The following CADM2 variants were observed in gnomAD, a reference collection of about 807,000 sequenced individuals.
The protein encoded by CADM2 is immunoglobulin superfamily member 4D.
A neutral mutation model predicts 49.8 loss-of-function variants in CADM2; 12 were observed. The observed-to-expected ratio is 0.24, with a 90% confidence interval of 0.15 to 0.39. The LOEUF (loss-of-function observed/expected upper bound fraction) is 0.39. Among genes scored for constraint, CADM2 ranks in the 10% least tolerant of loss-of-function variants. CADM2 has a pLI of 1.00. For synonymous variants in CADM2, 214 were observed against 175.4 expected (o/e 1.22, Z -1.74); for missense variants, 378 against 492.3 (o/e 0.77, Z 2.20).
intron 1 of CADM2, among the ~76,000 whole-genome samples, chr3:85,331,508 TGTCACTAAAAGTGACAATA>T (rs1944136538): frequency 1.3e-5 from 2 of 151,304 alleles, no homozygotes; most frequent in African/African-American, 4.8e-5. Context: ...AAGTGACTAT[TGTCACTAAAAGTGACAATA>T]GTCACTTTTA....
intron 1 of CADM2, among the ~76,000 whole-genome samples, chr3:85,414,825 T>G (rs1356232120): frequency 6.6e-6 from 1 of 152,166 alleles, no homozygotes. Flanking sequence ...CTATGTGTTA[T>G]GCGGGAAGGG....
intron 1 of CADM2, among the ~76,000 whole-genome samples, chr3:85,183,755 A>T (rs1438047493): frequency 1.3e-5 from 2 of 152,196 alleles, no homozygotes; most frequent in Non-Finnish European, 1.5e-5. Flanking sequence ...AAGATTGCAA[A>T]GTCTATAATG....
chr3:85,096,916 T>G, intron 1 of CADM2, among the ~76,000 whole-genome samples: 1 of 152,188 alleles, frequency 6.6e-6, no homozygotes, highest in East Asian at 1.9e-4. Context: ...CTATTAGTTT[T>G]ACCTTTTATG....
intron 8 of CADM2, among the ~76,000 whole-genome samples, chr3:86,040,492 G>T (rs1735738484): frequency 6.6e-6 from 1 of 152,086 alleles, no homozygotes; most frequent in Non-Finnish European, 1.5e-5. Flanking sequence ...AGTGACGGAA[G>T]ATCAAATGAA....
chr3:85,190,232 C>T (rs1423306123), intron 1 of CADM2, among the ~76,000 whole-genome samples: 1 of 151,986 alleles, frequency 6.6e-6, no homozygotes, highest in African/African-American at 2.4e-5. Context: ...AGGATACTTG[C>T]CCCCATGCCA....
chr3:85,894,544 G>A (rs909073588), intron 5 of CADM2, among the ~76,000 whole-genome samples: 4 of 152,066 alleles, frequency 2.6e-5, no homozygotes, highest in African/African-American at 9.7e-5. Context: ...CTGCAAAAAT[G>A]TGCATAAGTA....
chr3:85,402,543 A>T (rs1380482927), intron 1 of CADM2, among the ~76,000 whole-genome samples: 1 of 151,990 alleles, frequency 6.6e-6, no homozygotes, highest in Non-Finnish European at 1.5e-5. Context: ...TCTCAATAAA[A>T]TCTTGAAGCA....
intron 1 of CADM2, among the ~76,000 whole-genome samples, chr3:85,558,214 A>G (rs760040238): frequency 2.3e-4 from 35 of 152,098 alleles, no homozygotes; most frequent in Non-Finnish European, 2.7e-4. Flanking sequence ...TGCTCATTAG[A>G]TAGAATAAAA....
chr3:86,015,708 T>G (rs1732137443), intron 8 of CADM2, among the ~76,000 whole-genome samples: 1 of 152,210 alleles, frequency 6.6e-6, no homozygotes, highest in Admixed American at 6.5e-5. Context: ...TTGTTCTACA[T>G]CTCATTGTTG....
chr3:85,758,619 G>A lies in CADM2; in HGVS notation c.88+32071G>A, dbSNP rs114379214. On this transcript the variant is annotated intron_variant, in intron 2 of 9. Transcript: ENST00000383699. ...TATGTTCCTGATGACTCAATATTTA[G>A]TTTGGTTTTATTTGAGTCAGAGGTT... Among the ~76,000 whole-genome samples the A allele has an allele frequency of 3.4e-3, 524 of 152,096 alleles. 2 individuals carry two copies. Among genetic ancestry groups the A allele is most frequent in the African/African-American group, 0.012 (483 of 41,524 alleles).
chr3:85,713,189 C>G (rs965633941), intron 1 of CADM2, among the ~76,000 whole-genome samples: 1 of 152,184 alleles, frequency 6.6e-6, no homozygotes, highest in Non-Finnish European at 1.5e-5. Context: ...CCTCCGCCTC[C>G]CGGGTTCAAG....
chr3:85,675,514 A>G (rs2065864819), intron 1 of CADM2, among the ~76,000 whole-genome samples: 1 of 152,170 alleles, frequency 6.6e-6, no homozygotes, highest in Non-Finnish European at 1.5e-5. Flanking sequence ...TTTAGAAGCT[A>G]AGTGATCTGT....
intron 1 of CADM2, among the ~76,000 whole-genome samples, chr3:84,969,084 G>C (rs1309032738): frequency 6.6e-6 from 1 of 151,836 alleles, no homozygotes; most frequent in Non-Finnish European, 1.5e-5. Flanking sequence ...CTTAACAAGG[G>C]GGATACTTTC....
At chr3:85,656,307 C>G (rs1207965646) in intron 1 of CADM2, among the ~76,000 whole-genome samples, 1 of 151,946 alleles carries the variant, frequency 6.6e-6, no homozygotes, top group East Asian at 1.9e-4. Context: ...TTATTAAGAG[C>G]TTACATAGCT....
intron 8 of CADM2, among the ~76,000 whole-genome samples, chr3:85,970,881 G>T (rs1240885183): frequency 6.6e-6 from 1 of 151,316 alleles, no homozygotes; most frequent in African/African-American, 2.4e-5. Context: ...AAGTTACATG[G>T]TGATAAATCT....
intron 1 of CADM2, among the ~76,000 whole-genome samples, chr3:85,458,284 C>A (rs983998891): frequency 1.3e-5 from 2 of 152,128 alleles, no homozygotes; most frequent in Non-Finnish European, 2.9e-5. Context: ...CCATGCCCTG[C>A]ACATAACAGG....
chr3:85,304,188 A>C (rs1371253922), intron 1 of CADM2, among the ~76,000 whole-genome samples: 1 of 151,816 alleles, frequency 6.6e-6, no homozygotes, highest in Non-Finnish European at 1.5e-5. Flanking sequence ...ACATATCTGA[A>C]GTCCAGAGAT....
intron 2 of CADM2, among the ~76,000 whole-genome samples, chr3:85,758,470 T>G (rs894539333): frequency 6.6e-6 from 1 of 152,134 alleles, no homozygotes; most frequent in Non-Finnish European, 1.5e-5. Context: ...AGACACCTTG[T>G]GGAGAAATAC....
At chr3:85,329,803 C>T (rs1380258604) in intron 1 of CADM2, among the ~76,000 whole-genome samples, 1 of 151,814 alleles carries the variant, frequency 6.6e-6, no homozygotes, top group Admixed American at 6.6e-5. Context: ...TTTATTGTTC[C>T]TCTCATGACT....
Sources: allele counts gnomAD v4.1 joint callset (sites outside exome capture counted in the v4.1 genomes callset), GRCh38; gene constraint gnomAD v4.1.1; transcripts MANE v1.5; gene names NCBI Gene and HGNC (gene_info 2026-07-23, HGNC 2026-07-21).